The following KPNA3 variants were observed in gnomAD, a reference collection of about 807,000 sequenced individuals.
KPNA3 encodes the protein importin subunit alpha-4.
In KPNA3, 13 loss-of-function variants were observed where a neutral mutation model predicts 73.8. The observed-to-expected ratio is 0.18, with a 90% CI of 0.11 to 0.28. The LOEUF (loss-of-function observed/expected upper bound fraction) is 0.28. Among genes scored for constraint, KPNA3 ranks in the 10% least tolerant of loss-of-function variants. The probability of loss-of-function intolerance (pLI) is 1.00; values close to 1 mark genes in which losing one functional copy is unlikely to be tolerated. For missense variants in KPNA3, 360 were observed against 618.1 expected (o/e 0.58, Z 4.43); for synonymous variants, 186 against 206.9 (o/e 0.90, Z 0.87).
chr13:49,766,709 T>C (rs1220422191), intron 1 of KPNA3, among the ~76,000 whole-genome samples: 1 of 152,210 alleles, frequency 6.6e-6, no homozygotes, highest in Non-Finnish European at 1.5e-5. Flanking sequence ...AACTTCCTTC[T>C]CTATCCAGTT....
intron 7 of KPNA3, among the ~76,000 whole-genome samples, chr13:49,724,571 T>A (rs1229300952): frequency 1.3e-5 from 2 of 152,278 alleles, no homozygotes; most frequent in Non-Finnish European, 2.9e-5. Context: ...CCTCCCAAAG[T>A]GCTGGGATTA....
intron 12 of KPNA3, 114 bp from the exon 13 acceptor site, chr13:49,706,486 T>C: frequency 1.5e-6 from 1 of 677,068 alleles, no homozygotes; most frequent in African/African-American, 1.8e-5. Flanking sequence ...TTAAAGAGAC[T>C]GCACCTAAAA....
At chr13:49,785,221 G>A (rs1441231299) in intron 1 of KPNA3, among the ~76,000 whole-genome samples, 3 of 152,128 alleles carry the variant, frequency 2.0e-5, no homozygotes, top group Non-Finnish European at 2.9e-5. Flanking sequence ...ACTAAAGGAA[G>A]AAAACCACTT....
intron 10 of KPNA3, among the ~76,000 whole-genome samples, chr13:49,717,652 T>G (rs1954317225): frequency 6.6e-6 from 1 of 152,174 alleles, no homozygotes; most frequent in Admixed American, 6.5e-5. Flanking sequence ...TACCTCTGCT[T>G]CTTTTACAAC....
intron 2 of KPNA3, among the ~76,000 whole-genome samples, chr13:49,733,595 C>T (rs372546623): frequency 3.3e-5 from 5 of 152,198 alleles, no homozygotes; most frequent in East Asian, 3.9e-4. Flanking sequence ...TGCCTATTTG[C>T]GTAAGTTTGC....
intron 6 of KPNA3, among the ~76,000 whole-genome samples, chr13:49,729,773 C>T (rs77459178): frequency 0.02 from 3,078 of 152,058 alleles, 42 homozygotes; most frequent in South Asian, 0.03. Context: ...GAGCGAGACT[C>T]GGTCTCAAAA....
At chr13:49,783,567 T>G (rs951434302) in intron 1 of KPNA3, among the ~76,000 whole-genome samples, 2 of 152,180 alleles carry the variant, frequency 1.3e-5, no homozygotes, top group Non-Finnish European at 2.9e-5. Context: ...AAGGGCCAGC[T>G]GTACAGCCAA....
intron 2 of KPNA3, among the ~76,000 whole-genome samples, chr13:49,733,433 C>T (rs185597805): frequency 1.2e-3 from 180 of 152,066 alleles, no homozygotes; most frequent in African/African-American, 3.9e-3. Flanking sequence ...GGATTACAGT[C>T]GTGCGCCACC....
chr13:49,726,864 G>C (rs894838546), intron 6 of KPNA3, among the ~76,000 whole-genome samples: 1 of 152,002 alleles, frequency 6.6e-6, no homozygotes, highest in African/African-American at 2.4e-5. Context: ...GGGATGGGGG[G>C]ATTGCTTGAG....
Position 49,703,397 on chromosome 13 carries a change from G to A in KPNA3, c.1373-917C>T, listed in dbSNP as rs1954169579. ...GGGTTTCACCATGTTGGCCAGGCTG[G>A]TCTCGAACTCCTGACCTCGTGATTC... On this transcript the variant is annotated intron_variant, in intron 15 of 16. Transcript: ENST00000261667. Among the ~76,000 whole-genome samples, 3 of 144,380 alleles carry A rather than the reference G, an allele frequency of 2.1e-5. No homozygotes were observed. In the South Asian group the frequency reaches 6.6e-4, roughly 32 times the overall value. 94.7% of individuals were successfully genotyped at this position (144,380 alleles called of 152,430 possible).
chr13:49,716,421 C>T (rs1436236256), intron 10 of KPNA3, among the ~76,000 whole-genome samples: 1 of 151,970 alleles, frequency 6.6e-6, no homozygotes, highest in Non-Finnish European at 1.5e-5. Flanking sequence ...TTTTATGCTT[C>T]TATCACACTT....
chr13:49,759,029 A>G (rs1954736081), intron 1 of KPNA3, among the ~76,000 whole-genome samples: 1 of 152,212 alleles, frequency 6.6e-6, no homozygotes, highest in African/African-American at 2.4e-5. Flanking sequence ...GAGTCTTGTA[A>G]AAACTACTCA....
chr13:49,729,899 G>A (rs1202078881), intron 6 of KPNA3, among the ~76,000 whole-genome samples: 1 of 152,196 alleles, frequency 6.6e-6, no homozygotes, highest in East Asian at 1.9e-4. Context: ...TTATAGATGA[G>A]ATAGCTGAGG....
chr13:49,728,064 T>C lies in KPNA3; in HGVS notation c.384-2563A>G, dbSNP rs189049548. Among the ~76,000 whole-genome samples the C allele has an allele frequency of 3.4e-4, 51 of 151,760 alleles. No homozygotes were observed. In the East Asian group the frequency reaches 8.9e-3, roughly 27 times the overall value. On this transcript the variant is annotated intron_variant, in intron 6 of 16. Transcript: ENST00000261667. ...TCCTGGCTAACACGGTGAAACCCCATCTCTATTAAAAATACAAAAAGTCAG... is the reference window on the plus strand; with the variant it reads ...TCCTGGCTAACACGGTGAAACCCCACCTCTATTAAAAATACAAAAAGTCAG...
chr13:49,782,525 C>A (rs2137604973), intron 1 of KPNA3, among the ~76,000 whole-genome samples: 1 of 152,198 alleles, frequency 6.6e-6, no homozygotes, highest in Non-Finnish European at 1.5e-5. Flanking sequence ...TTCCTTAGAT[C>A]AGGGAATATT....
At chr13:49,747,038 A>G (rs779975332) in intron 1 of KPNA3, 45 bp from the exon 2 acceptor site, 2 of 1,390,908 alleles carry the variant, frequency 1.4e-6, no homozygotes, top group Non-Finnish European at 2.0e-6. Context: ...AAATACGGAC[A>G]CTGCTAGTAT....
At chr13:49,740,305 G>A (rs1954561953) in intron 2 of KPNA3, among the ~76,000 whole-genome samples, 2 of 151,594 alleles carry the variant, frequency 1.3e-5, no homozygotes, top group African/African-American at 4.8e-5. Context: ...TGTGTGTGTG[G>A]TGAAAACACT....
intron 7 of KPNA3, 27 bp from the exon 8 acceptor site, chr13:49,722,590 T>TAGTTTCA: frequency 7.2e-7 from 1 of 1,380,252 alleles, no homozygotes; most frequent in Non-Finnish European, 1.0e-6. Flanking sequence ...CTAATATTTA[T>TAGTTTCA]ACTAGCAACA....
intron 10 of KPNA3, among the ~76,000 whole-genome samples, chr13:49,712,556 A>G (rs1954269407): frequency 6.6e-6 from 1 of 152,112 alleles, no homozygotes; most frequent in South Asian, 2.1e-4. Flanking sequence ...ATAACAATAG[A>G]TCTAATATTT....
Sources: gnomAD v4.1 joint callset for allele counts (sites outside exome capture counted in the v4.1 genomes callset) on GRCh38, gnomAD v4.1.1 for gene constraint, MANE v1.5 for transcripts, NCBI Gene and HGNC (gene_info 2026-07-23, HGNC 2026-07-21) for gene names.